Variants in ZBTB40 observed in about 807,000 individuals in gnomAD.
ZBTB40 encodes the protein zinc finger and BTB domain containing 40, also known as zinc finger and BTB domain-containing protein 40.
ZBTB40 carries 60 observed loss-of-function variants against 117.5 expected under a neutral mutation model. The ratio of observed to expected loss-of-function variants is 0.51; its 90% CI spans 0.41 to 0.63. The LOEUF is 0.63. ZBTB40 is among the 30% of genes least tolerant of loss of function. The probability of loss-of-function intolerance (pLI) is 0.00; values close to 1 mark genes in which losing one functional copy is unlikely to be tolerated. For synonymous variants in ZBTB40, 525 were observed against 577.1 expected, an observed-to-expected ratio of 0.91 and a Z score of 1.29; for missense variants, 1,287 against 1,498.5, an observed-to-expected ratio of 0.86 and a Z score of 2.33.
chr1:22,479,328 T>C (rs1638225362), intron 1 of ZBTB40, among the ~76,000 whole-genome samples: 1 of 152,196 alleles, frequency 6.6e-6, no homozygotes, highest in Non-Finnish European at 1.5e-5. Context: ...TCTTAGCATA[T>C]TTATCCCTTC....
intron 1 of ZBTB40, among the ~76,000 whole-genome samples, chr1:22,439,114 C>T (rs942562018): frequency 6.6e-6 from 1 of 152,186 alleles, no homozygotes; most frequent in South Asian, 2.1e-4. Flanking sequence ...TATCCACCCG[C>T]CTTGGCCCCC....
intron 1 of ZBTB40, among the ~76,000 whole-genome samples, chr1:22,458,200 A>G (rs567144567): frequency 6.6e-5 from 10 of 152,280 alleles, no homozygotes; most frequent in Non-Finnish European, 1.2e-4. Flanking sequence ...ATTCCTCTCC[A>G]ATCTATTTGG....
chr1:22,493,687 C>G (rs1638695586), intron 3 of ZBTB40, among the ~76,000 whole-genome samples: 1 of 152,022 alleles, frequency 6.6e-6, no homozygotes, highest in Admixed American at 6.5e-5. Flanking sequence ...TGCTTTCGGT[C>G]ACTGTACGTA....
chr1:22,437,355 G>A (rs1343368663), intron 1 of ZBTB40, among the ~76,000 whole-genome samples: 2 of 151,926 alleles, frequency 1.3e-5, no homozygotes, highest in Non-Finnish European at 2.9e-5. Context: ...CAGTCATGTT[G>A]GAGGAGTGCA....
chr1:22,447,019 C>G (rs1159448599), upstream of ZBTB40, among the ~76,000 whole-genome samples: 2 of 151,528 alleles, frequency 1.3e-5, no homozygotes, highest in Non-Finnish European at 2.9e-5. Flanking sequence ...AGCAGGATGA[C>G]TTGTGCCCAG....
intron 3 of ZBTB40, among the ~76,000 whole-genome samples, chr1:22,497,190 C>A (rs957931108): frequency 1.3e-5 from 2 of 152,164 alleles, no homozygotes; most frequent in African/African-American, 4.8e-5. Flanking sequence ...GATAATTTTT[C>A]TACTATTGAT....
chr1:22,471,572 C>T (rs1163408713), intron 1 of ZBTB40, among the ~76,000 whole-genome samples: 8 of 152,210 alleles, frequency 5.3e-5, no homozygotes, highest in African/African-American at 7.2e-5. Context: ...GTGTGTGGAA[C>T]GTGCTTAGCA....
chr1:22,440,370 G>A (rs1640716862), intron 1 of ZBTB40, among the ~76,000 whole-genome samples: 1 of 152,116 alleles, frequency 6.6e-6, no homozygotes, highest in African/African-American at 2.4e-5. Context: ...TGGATGAGGT[G>A]GCATGCCTGT....
intron 1 of ZBTB40, among the ~76,000 whole-genome samples, chr1:22,486,115 A>T (rs1239254843): frequency 1.3e-5 from 2 of 152,138 alleles, no homozygotes; most frequent in African/African-American, 4.8e-5. Context: ...GTCTTTTAGT[A>T]TGCCTTGTAA....
chr1:22,476,407 A>G (rs1403354593), intron 1 of ZBTB40, among the ~76,000 whole-genome samples: 2 of 152,004 alleles, frequency 1.3e-5, no homozygotes, highest in African/African-American at 4.8e-5. Flanking sequence ...TTCTTTAGAG[A>G]TGGGGTTTTG....
upstream of ZBTB40, among the ~76,000 whole-genome samples, chr1:22,449,705 A>G (rs1640832692): frequency 6.6e-6 from 1 of 152,170 alleles, no homozygotes; most frequent in African/African-American, 2.4e-5. Context: ...AAAGTTATAG[A>G]AAGCCTCTTC....
chr1:22,454,972 A>G (rs1268008361), intron 1 of ZBTB40, among the ~76,000 whole-genome samples: 4 of 152,268 alleles, frequency 2.6e-5, no homozygotes, highest in Non-Finnish European at 5.9e-5. Context: ...CCAATTAAAA[A>G]TAGAAGCCCT....
At chr1:22,467,198 A>G (rs1353462911) in intron 1 of ZBTB40, among the ~76,000 whole-genome samples, 4 of 152,206 alleles carry the variant, frequency 2.6e-5, no homozygotes, top group East Asian at 1.9e-4. Flanking sequence ...TTTTCCTGCT[A>G]CTATCATGGA....
Position 22,508,710 on chromosome 1 carries a change from G to A in ZBTB40, c.1678G>A (p.Ala560Thr), listed in dbSNP as rs1324891730. The change falls in exon 8 of 18, where the codon GCC (alanine) becomes ACC (threonine). Residue 560 changes from alanine (A) to threonine (T), a missense_variant. Physicochemically the swap from Ala to Thr is moderately conservative, Grantham distance 58. Transcript: ENST00000375647. ...LMEEIRREPGADAFFRAVTTP... is the reference protein window; with the variant it reads ...LMEEIRREPGTDAFFRAVTTP... The stretch of plus-strand genomic sequence containing the variant: ...GGAGGAAATACGAAGGGAGCCTGGT[G>A]CCGATGCTTTCTTCCGGGCAGGTAA... 6.2e-7 allele frequency: 1 copy of A among 1,613,992 alleles called. No homozygotes were observed. Among genetic ancestry groups the A allele is most frequent in the African/African-American group, 1.3e-5 (1 of 75,060 alleles).
intron 1 of ZBTB40, among the ~76,000 whole-genome samples, chr1:22,478,251 T>C (rs1047388454): frequency 3.3e-5 from 5 of 152,130 alleles, no homozygotes; most frequent in African/African-American, 9.7e-5. Flanking sequence ...ATTTTCTTTT[T>C]TTTTTCTTTT....
At chr1:22,473,264 G>T (rs1432848302) in intron 1 of ZBTB40, among the ~76,000 whole-genome samples, 1 of 152,110 alleles carries the variant, frequency 6.6e-6, no homozygotes, top group Non-Finnish European at 1.5e-5. Flanking sequence ...AGATCCGCAG[G>T]TGATTCTTAT....
intron 3 of ZBTB40, 129 bp downstream of exon 3, chr1:22,491,662 G>A (rs1419060559): frequency 7.6e-6 from 6 of 789,478 alleles, no homozygotes; most frequent in Non-Finnish European, 1.2e-5. Context: ...TTTTTTTTTT[G>A]GACATTTATT....
At chr1:22,523,295 G>A (rs1281712439) in intron 16 of ZBTB40, among the ~76,000 whole-genome samples, 1 of 152,090 alleles carries the variant, frequency 6.6e-6, no homozygotes, top group African/African-American at 2.4e-5. Flanking sequence ...AAAAACTACT[G>A]CCAGTTAAAC....
Position 22,508,102 on chromosome 1 carries a change from T to A in ZBTB40, c.1462T>A (p.Ser488Thr), listed in dbSNP as rs539117587. ...CAACCAGATTTTATTAAAGATGATC[T>A]CACACATGACAAGTTTAGCCCCTGG... ...TDNQILLKMI[S>T]HMTSLAPGER... Residue 488 changes from serine (S) to threonine (T), a missense_variant, in exon 7 of 18, where the codon TCA (serine) becomes ACA (threonine). Physicochemically the swap from Ser to Thr is moderately conservative, Grantham distance 58 (BLOSUM62 1). Coordinates refer to ENST00000375647, the MANE Select transcript of ZBTB40 (RefSeq NM_014870.4). 5 of 1,613,990 alleles carry A rather than the reference T, an allele frequency of 3.1e-6. No homozygotes were observed. The African/African-American group carries it at 6.7e-5, about 22-fold the overall frequency.
Sources: gnomAD v4.1 joint callset for allele counts (sites outside exome capture counted in the v4.1 genomes callset) on GRCh38, gnomAD v4.1.1 for gene constraint, MANE v1.5 for transcripts, NCBI Gene and HGNC (gene_info 2026-07-23, HGNC 2026-07-21) for gene names.